PSG7: variants seen among roughly 807,000 people sequenced by gnomAD.
The protein encoded by PSG7 is pregnancy specific beta-1-glycoprotein 7, also known as pregnancy-specific beta-1-glycoprotein 7.
Under a neutral mutation model 45.6 loss-of-function variants are expected in PSG7, and 57 were observed. The ratio of observed to expected loss-of-function variants is 1.25; its 90% CI spans 1.01 to 1.56. The LOEUF (loss-of-function observed/expected upper bound fraction) is 1.56, where lower values mean the gene tolerates loss of function less well. Among genes scored for constraint, PSG7 ranks in the 40% most tolerant of loss-of-function variants. PSG7 has a pLI of 0.00. For missense variants in PSG7, 796 were observed against 508.4 expected (o/e 1.57, Z -5.44); for synonymous variants, 298 against 194.4 (o/e 1.53, Z -4.43).
chr19:42,926,650 G>A lies in PSG7; in HGVS notation c.776C>T (p.Thr259Ile), dbSNP rs199532805. The A allele has an allele frequency of 9.1e-4, 1,468 of 1,610,050 alleles. 43 individuals carry two copies. The highest frequency in any genetic ancestry group is 1.7e-4 in the Non-Finnish European group (204 of 1,179,006). ...LNPRENKDVS[T>I]FTCEPKSENY... is the part of the protein sequence containing the mutation. Reference sequence around the variant, plus strand: ...CTCACTCTTAGGTTCACAGGTGAAGGTTGAGACATCCTTATTCTCCCTGGG... The same window carrying A: ...CTCACTCTTAGGTTCACAGGTGAAGATTGAGACATCCTTATTCTCCCTGGG... The change falls in exon 4 of 6, where the codon ACC becomes ATC. Residue 259 changes from threonine to isoleucine, a missense_variant. Coordinates refer to ENST00000406070, the MANE Select transcript of PSG7 (RefSeq NM_002783.3).
At chr19:42,931,323 T>G (rs933325890) in intron 2 of PSG7, among the ~76,000 whole-genome samples, 8 of 149,972 alleles carry the variant, frequency 5.3e-5, no homozygotes, top group African/African-American at 1.2e-4. Flanking sequence ...CACATTATGC[T>G]CAAAGAAAGA....
In PSG7 at chr19:42,937,069, G is replaced by C. The variant is rs776879332; in HGVS notation, c.8C>G (p.Pro3Arg). 3 of 1,611,246 alleles carry C rather than the reference G, an allele frequency of 1.9e-6. No homozygotes were observed. Among genetic ancestry groups the C allele is most frequent in the Non-Finnish European group, 2.5e-6 (3 of 1,178,406 alleles). MG[P>R]LSAPPCTQHI... is the part of the protein sequence containing the mutation. ...CTGTGTGCAGGGAGGGGCTGAGAGG[G>C]GCCCCATGGTCTCTGCTCCCTGCGT... The change falls in exon 1 of 6, where the codon CCC (proline) becomes CGC (arginine). Residue 3 changes from proline (P) to arginine (R), a missense_variant. By Grantham distance (103) the Pro-to-Arg change is moderately radical. Transcript: ENST00000406070.
At position 42,935,556 on chromosome 19, in the gene PSG7, G is replaced by A; in HGVS notation, c.278C>T (p.Pro93Leu). 1 of 1,612,080 alleles carries A rather than the reference G, an allele frequency of 6.2e-7. No individual in the cohort carries two copies. Among genetic ancestry groups the A allele is most frequent in the South Asian group, 1.1e-5 (1 of 90,794 alleles). The change falls in exon 2 of 6, where the codon CCT (proline) becomes CTT (leucine). Residue 93 changes from proline (P) to leucine (L), a missense_variant. Physicochemically the swap from Pro to Leu is moderately conservative, Grantham distance 98 (BLOSUM62 -3). Transcript: ENST00000406070. Reference sequence around the variant, plus strand: ...TACTGTTTCTCGTCCACTGTATGCAGGCCCATATTTAATTATTTGACCGTC... The same window carrying A: ...TACTGTTTCTCGTCCACTGTATGCAAGCCCATATTTAATTATTTGACCGTC... The part of the protein sequence containing the change: ...IVDGQIIKYG[P>L]AYSGRETVYS...
intron 3 of PSG7, among the ~76,000 whole-genome samples, chr19:42,928,434 A>G (rs1972942273): frequency 6.6e-6 from 1 of 151,594 alleles, no homozygotes; most frequent in Non-Finnish European, 1.5e-5. Flanking sequence ...GTGTTTCCAT[A>G]TATTGATATC....
chr19:42,933,307 A>ATATATATATATATATTTTTTT (rs56691588), intron 2 of PSG7, among the ~76,000 whole-genome samples: 1 of 13,504 alleles, frequency 7.4e-5, no homozygotes, highest in Non-Finnish European at 1.6e-4. Context: ...ATATATATAT[A>ATATATATATATATATTTTTTT]TTTTTTTTTT....
At chr19:42,929,926 G>A (rs1266073377) in intron 2 of PSG7, among the ~76,000 whole-genome samples, 6 of 151,624 alleles carry the variant, frequency 4.0e-5, no homozygotes, top group Admixed American at 6.6e-5. Flanking sequence ...GGAGAAGCAT[G>A]GACTTTCTCA....
intron 2 of PSG7, among the ~76,000 whole-genome samples, chr19:42,934,179 G>T (rs368208517): frequency 2.6e-5 from 4 of 151,562 alleles, no homozygotes; most frequent in African/African-American, 9.7e-5. Flanking sequence ...CAGGTTCAAT[G>T]ATGGGTGTTA....
chr19:42,933,808 G>C (rs1973086381), intron 2 of PSG7, among the ~76,000 whole-genome samples: 1 of 151,110 alleles, frequency 6.6e-6, no homozygotes, highest in East Asian at 2.0e-4. Context: ...CATTTCCACA[G>C]TCCAGGACCA....
chr19:42,924,483 C>G lies in PSG7; in HGVS notation c.*325G>C. ...AATTCTAATGACTGCATTATCCTGC[C>G]AAGTGAAAGAGGCAGGCACAAGCAA... On this transcript the variant is annotated 3_prime_UTR_variant, in exon 6 of 6. Coordinates refer to ENST00000406070, the MANE Select transcript of PSG7 (RefSeq NM_002783.3). 1.8e-6 allele frequency: 1 copy of G among 557,476 alleles called. No homozygotes were observed. Among genetic ancestry groups the G allele is most frequent in the East Asian group, 2.8e-5 (1 of 35,780 alleles). 34.5% of individuals were successfully genotyped at this position (557,476 alleles called of 1,614,324 possible). A position where few individuals can be genotyped will look rare whatever the true frequency, so the allele number is the denominator to read the frequency against.
At chr19:42,930,266 G>T (rs540100940) in intron 2 of PSG7, among the ~76,000 whole-genome samples, 1 of 151,654 alleles carries the variant, frequency 6.6e-6, no homozygotes, top group African/African-American at 2.4e-5. Flanking sequence ...AGTCAAGCCT[G>T]GAGGTCAGTT....
chr19:42,931,642 T>C (rs1249793134), intron 2 of PSG7, among the ~76,000 whole-genome samples: 1 of 151,350 alleles, frequency 6.6e-6, no homozygotes, highest in Non-Finnish European at 1.5e-5. Flanking sequence ...CAATGGCTCG[T>C]GTGTCTCCCC....
Position 42,924,617 on chromosome 19 carries a change from G to A in PSG7, c.*191C>T. On this transcript the variant is annotated 3_prime_UTR_variant, in exon 6 of 6. Transcript: ENST00000406070. ...CATCAACTTGTTTTCCTTGTTTACA[G>A]TTTGAGCAGCTGTTGTTATGGTGTT... The A allele has an allele frequency of 1.5e-6, 1 of 658,070 alleles. No individual in the cohort carries two copies. Among genetic ancestry groups the A allele is most frequent in the South Asian group, 1.8e-5 (1 of 56,914 alleles). 40.8% of individuals were successfully genotyped at this position (658,070 alleles called of 1,614,324 possible). A position where few individuals can be genotyped will look rare whatever the true frequency, so the allele number is the denominator to read the frequency against.
chr19:42,926,029 T>G lies in PSG7; in HGVS notation c.989-2A>C. ...AAATTCTGGGGAGGTCTGGACCATC[T>G]GGAGGAAAGAGAATAAAGCCACAGG... On this transcript the variant is annotated splice_acceptor_variant, in intron 4 of 5. Coordinates refer to ENST00000406070, the MANE Select transcript of PSG7 (RefSeq NM_002783.3). LOFTEE classifies it high-confidence loss of function. The G allele has an allele frequency of 6.2e-7, 1 of 1,611,114 alleles. No individual in the cohort carries two copies. The highest frequency in any genetic ancestry group is 8.5e-7 in the Non-Finnish European group (1 of 1,178,472).
chr19:42,930,866 C>T (rs1973005623), intron 2 of PSG7, among the ~76,000 whole-genome samples: 2 of 151,582 alleles, frequency 1.3e-5, no homozygotes, highest in Admixed American at 1.3e-4. Flanking sequence ...ATAGTTCATA[C>T]AGATAAAGTG....
rs1377363076 is a variant in PSG7, at chr19:42,928,528, T to C, written c.709+914A>G. Among the ~76,000 whole-genome samples, 4 of 151,728 alleles carry C rather than the reference T, an allele frequency of 2.6e-5. No individual in the cohort carries two copies. In the East Asian group the frequency reaches 7.7e-4, roughly 29 times the overall value. ...TGGTTAAACTTATTCCAAAATATTTTATTCCTTTTGATGTTAATGTGAATT... is the reference window on the plus strand; with the variant it reads ...TGGTTAAACTTATTCCAAAATATTTCATTCCTTTTGATGTTAATGTGAATT... On this transcript the variant is annotated intron_variant, in intron 3 of 5. Coordinates refer to ENST00000406070, the MANE Select transcript of PSG7 (RefSeq NM_002783.3).
At position 42,929,683 on chromosome 19, in the gene PSG7, G is replaced by T. The variant is rs370262546; in HGVS notation, c.468C>A (p.Phe156Leu). Residue 156 changes from phenylalanine to leucine, a missense_variant, in exon 3 of 6, where the codon TTC becomes TTA. Phe to Leu is a conservative substitution (Grantham distance 22, BLOSUM62 0). Transcript: ENST00000406070. ...CAGCCTCCGTGGCCTCCCTGGGGTT[G>T]AAATTGCTGCTGGAGATGGAGGGTT... is the stretch of plus-strand genomic sequence containing the variant. ...TPKPSISSSN[F>L]NPREATEAVI... The T allele has an allele frequency of 5.0e-6, 8 of 1,612,390 alleles. No individual in the cohort carries two copies. The African/African-American group carries it at 6.7e-5, about 13-fold the overall frequency.
At chr19:42,928,453 T>C (rs1160958954) in intron 3 of PSG7, among the ~76,000 whole-genome samples, 2 of 151,684 alleles carry the variant, frequency 1.3e-5, no homozygotes, top group Non-Finnish European at 2.9e-5. Flanking sequence ...TCATCTTTAA[T>C]TTGTTTCAGG....
In PSG7 at chr19:42,926,516, C is replaced by G; in HGVS notation, c.910G>C (p.Glu304Gln). ...ATTTCACATTGATAGGGTCCTGTTT[C>G]ATTTCTCGTGACACTGGGTAGAATG... ...ILILPSVTRN[E>Q]TGPYQCEIRD... Residue 304 changes from glutamate to glutamine, a missense_variant, in exon 4 of 6, where the codon GAA (glutamate) becomes CAA (glutamine). Glu to Gln is a conservative substitution (Grantham distance 29). Transcript: ENST00000406070. 1 of 1,611,044 alleles carries G rather than the reference C, an allele frequency of 6.2e-7. No individual in the cohort carries two copies.
At position 42,929,137 on chromosome 19, in the gene PSG7, C is replaced by T. The variant is rs142678382; in HGVS notation, c.709+305G>A. 1.5e-3 allele frequency: 774 copies of T among 528,770 alleles called. 21 individuals are homozygous for T. Among genetic ancestry groups the T allele is most frequent in the African/African-American group, 8.2e-3 (433 of 52,704 alleles). 32.8% of individuals were successfully genotyped at this position (528,770 alleles called of 1,614,324 possible). A position where few individuals can be genotyped will look rare whatever the true frequency, so the allele number is the denominator to read the frequency against. On this transcript the variant is annotated intron_variant, in intron 3 of 5. Coordinates refer to ENST00000406070, the MANE Select transcript of PSG7 (RefSeq NM_002783.3). The stretch of plus-strand genomic sequence containing the variant: ...GCCACAGTGACCCTGTGAGTCAAGT[C>T]GCAACACTGAAGTCCCAGCCAAATC...
Sources: gnomAD v4.1 joint callset for allele counts (sites outside exome capture counted in the v4.1 genomes callset) on GRCh38, gnomAD v4.1.1 for gene constraint, MANE v1.5 for transcripts, NCBI Gene and HGNC (gene_info 2026-07-23, HGNC 2026-07-21) for gene names.